Variants in APC observed in about 807,000 individuals in gnomAD.
The protein encoded by APC is adenomatous polyposis coli protein.
A neutral mutation model predicts 247.0 loss-of-function variants in APC; 72 were observed. That is an observed-to-expected ratio of 0.29 (90% CI 0.24 to 0.35). APC has a LOEUF of 0.35. Ranked by LOEUF, APC falls within the 10% of genes least tolerant of loss-of-function variation. APC has a pLI of 1.00. For missense variants in APC, 3,400 were observed against 3,360.7 expected (o/e 1.01, Z -0.29); for synonymous variants, 1,254 against 1,162.5 (o/e 1.08, Z -1.60).
At position 112,840,283 on chromosome 5, in the gene APC, A is replaced by G. The variant is rs1440495350; in HGVS notation, c.4689A>G (p.Leu1563=). ...AAACTATTGATTCTGAAAAGGACCT[A>G]TTAGATGATTCAGATGATGATGATA... The part of the protein sequence containing the change: ...AEKTIDSEKD[L]LDDSDDDDIE... The change falls in exon 16 of 16, where the codon CTA becomes CTG. Residue 1563 remains leucine (L), a synonymous_variant. Transcript: ENST00000257430. This position sits in a 1 kb window ranked among gnomAD's most constrained non-coding sequence, Gnocchi z 4.1. The G allele has an allele frequency of 1.2e-6, 2 of 1,614,174 alleles. No individual in the cohort carries two copies. Among genetic ancestry groups the G allele is most frequent in the East Asian group, 2.2e-5 (1 of 44,890 alleles).
intron 9 of APC, among the ~76,000 whole-genome samples, chr5:112,816,724 C>T (rs1183055564): frequency 7.3e-5 from 11 of 149,982 alleles, no homozygotes; most frequent in Non-Finnish European, 1.5e-4. Flanking sequence ...ACCTGGGAGG[C>T]GGAGGTTGCA....
At chr5:112,771,230 A>G (rs1000857391) in intron 4 of APC, among the ~76,000 whole-genome samples, 1 of 152,050 alleles carries the variant, frequency 6.6e-6, no homozygotes, top group Non-Finnish European at 1.5e-5. Flanking sequence ...TTTTGTCTCA[A>G]GTTTCTAATT....
intron 1 of APC, among the ~76,000 whole-genome samples, chr5:112,730,255 A>T (rs1303907534): frequency 6.6e-6 from 1 of 152,224 alleles, no homozygotes; most frequent in African/African-American, 2.4e-5. Flanking sequence ...ACTGCTGCAG[A>T]GCCAGCTACT....
At chr5:112,803,387 A>G (rs539498561) in intron 8 of APC, among the ~76,000 whole-genome samples, 15 of 152,332 alleles carry the variant, frequency 9.8e-5, no homozygotes, top group African/African-American at 3.4e-4. Flanking sequence ...CATTGATCGT[A>G]AAATGGTTAA....
intron 6 of APC, among the ~76,000 whole-genome samples, chr5:112,791,290 C>G (rs942199552): frequency 6.6e-6 from 1 of 152,134 alleles, no homozygotes; most frequent in Non-Finnish European, 1.5e-5. Flanking sequence ...CTTTATGATC[C>G]TAGTGTTGGA....
intron 6 of APC, among the ~76,000 whole-genome samples, chr5:112,783,351 G>A (rs996945154): frequency 2.0e-5 from 3 of 152,010 alleles, no homozygotes; most frequent in East Asian, 1.9e-4. Context: ...AGAAACATAC[G>A]TGTTCATTTA....
chr5:112,729,508 G>A (rs1193404645), intron 1 of APC, among the ~76,000 whole-genome samples: 1 of 152,216 alleles, frequency 6.6e-6, no homozygotes, highest in Non-Finnish European at 1.5e-5. Context: ...ACGAAAGGTA[G>A]TTCTAAGGCA....
At chr5:112,788,116 A>C (rs967646730) in intron 6 of APC, among the ~76,000 whole-genome samples, 3 of 152,120 alleles carry the variant, frequency 2.0e-5, no homozygotes, top group African/African-American at 7.2e-5. Flanking sequence ...TATATGCTGG[A>C]TATTTCTGGA....
At chr5:112,724,864 C>T (rs1336703668) in intron 1 of APC, among the ~76,000 whole-genome samples, 4 of 152,088 alleles carry the variant, frequency 2.6e-5, no homozygotes, top group Admixed American at 2.6e-4. Context: ...CCATAAAGGA[C>T]CTTACATATA....
intron 7 of APC, among the ~76,000 whole-genome samples, chr5:112,798,540 G>A (rs143174758): frequency 8.2e-4 from 125 of 152,270 alleles, no homozygotes; most frequent in Middle Eastern, 6.8e-3. Flanking sequence ...TGGATTTTGT[G>A]ATATTTAAAT....
chr5:112,837,532 G>T (rs1251315086), intron 15 of APC, 21 bp from the exon 16 acceptor site: 1 of 1,585,920 alleles, frequency 6.3e-7, no homozygotes, highest in South Asian at 1.1e-5. Flanking sequence ...TTAATTTTGT[G>T]ATCTCTTGAT....
In APC at chr5:112,792,547, C is replaced by G. The variant is rs780490642; in HGVS notation, c.729+18C>G. 1.9e-6 allele frequency: 3 copies of G among 1,590,290 alleles called. No individual in the cohort carries two copies. Among genetic ancestry groups the G allele is most frequent in the Non-Finnish European group, 2.6e-6 (3 of 1,159,264 alleles). On this transcript the variant is annotated intron_variant, in intron 7 of 15. Transcript: ENST00000257430. ...AAGCAGAGGTTAGTAAATTGCCTTT[C>G]TTGTTTGTGGGTATAAAAATAGGTA...
intron 8 of APC, among the ~76,000 whole-genome samples, chr5:112,809,488 AC>A (rs1761761885): frequency 6.6e-6 from 1 of 152,124 alleles, no homozygotes; most frequent in Non-Finnish European, 1.5e-5. Context: ...GAAGATGAAT[AC>A]CTAGCCTAAA....
rs376392084 is a variant in APC, at chr5:112,843,797, G to A, written c.8203G>A (p.Gly2735Arg). The A allele has an allele frequency of 3.1e-6, 5 of 1,613,894 alleles. No homozygotes were observed. The highest frequency in any genetic ancestry group is 1.3e-5 in the African/African-American group (1 of 74,884). The change falls in exon 16 of 16, where the codon GGA (glycine) becomes AGA (arginine). Residue 2735 changes from glycine (G) to arginine (R), a missense_variant. This residue lies in a region of APC where 1,788 missense variants were observed against 1,649.5 expected (regional missense o/e 1.08). Transcript: ENST00000257430. This position sits in a 1 kb window ranked among gnomAD's most constrained non-coding sequence, Gnocchi z 4.8. ...TCAGGTGGATGCCCCTGACCAAAAA[G>A]GAACTGAGATAAAACCAGGACAAAA... ...FIQVDAPDQK[G>R]TEIKPGQNNP...
intron 6 of APC, among the ~76,000 whole-genome samples, chr5:112,788,314 TC>T: frequency 6.6e-6 from 1 of 152,322 alleles, no homozygotes; most frequent in Non-Finnish European, 1.5e-5. Context: ...GATAAAAGCT[TC>T]ATGGGCTTTT....
intron 4 of APC, among the ~76,000 whole-genome samples, chr5:112,771,571 A>G (rs1757046932): frequency 6.6e-6 from 1 of 152,050 alleles, no homozygotes; most frequent in Non-Finnish European, 1.5e-5. Context: ...ATTTTTCTTC[A>G]TTATCAAGGT....
chr5:112,819,688 G>A lies in APC; in HGVS notation c.1312+344G>A, dbSNP rs115451906. Among the ~76,000 whole-genome samples the A allele has an allele frequency of 2.2e-3, 328 of 152,248 alleles. 2 individuals are homozygous for A. Among genetic ancestry groups the A allele is most frequent in the African/African-American group, 7.6e-3 (315 of 41,552 alleles). On this transcript the variant is annotated intron_variant, in intron 10 of 15. Transcript: ENST00000257430. ...ATTTCATAGATGAAAGTGACTTTAC[G>A]TAAGTTCCTATAGCCATTAGTGTCC...
At chr5:112,720,127 T>C (rs926693722) in intron 1 of APC, among the ~76,000 whole-genome samples, 1 of 152,230 alleles carries the variant, frequency 6.6e-6, no homozygotes, top group African/African-American at 2.4e-5. Flanking sequence ...GTTAAAAATT[T>C]AGTATAACAT....
intron 8 of APC, among the ~76,000 whole-genome samples, chr5:112,802,873 C>T (rs890632764): frequency 6.6e-6 from 1 of 151,930 alleles, no homozygotes; most frequent in Non-Finnish European, 1.5e-5. Flanking sequence ...ATGCAAAAAA[C>T]AGTATTTATA....
Sources: allele counts gnomAD v4.1 joint callset (sites outside exome capture counted in the v4.1 genomes callset), GRCh38; gene constraint gnomAD v4.1.1; regional missense constraint gnomAD v4.1.1; non-coding constraint Gnocchi (gnomAD v3.1); transcripts MANE v1.5; gene names NCBI Gene and HGNC (gene_info 2026-07-23, HGNC 2026-07-21).